SCD5: variants seen among roughly 807,000 people sequenced by gnomAD.
SCD5 encodes the protein acyl-CoA-desaturase 4.
Under a neutral mutation model 30.4 loss-of-function variants are expected in SCD5, and 20 were observed. The observed-to-expected ratio is 0.66, with a 90% CI of 0.46 to 0.96. The LOEUF (loss-of-function observed/expected upper bound fraction) is 0.96. SCD5 is among the 40% of genes least tolerant of loss of function. The pLI, the probability that SCD5 is intolerant of heterozygous loss-of-function variation, is 0.00. For synonymous variants in SCD5, 173 were observed against 176.4 expected (o/e 0.98, Z 0.16); for missense variants, 381 against 443.3 (o/e 0.86, Z 1.26).
chr4:82,745,852 T>C (rs1275509158), intron 1 of SCD5, among the ~76,000 whole-genome samples: 2 of 152,212 alleles, frequency 1.3e-5, no homozygotes, highest in Non-Finnish European at 2.9e-5. Flanking sequence ...GTTAAGAGGC[T>C]AGACACTAAA....
chr4:82,739,428 C>G (rs1457547433), intron 1 of SCD5, among the ~76,000 whole-genome samples: 1 of 152,234 alleles, frequency 6.6e-6, no homozygotes, highest in Admixed American at 6.5e-5. Context: ...ATTTATGAAG[C>G]CTGGTAATGC....
chr4:82,779,872 AAC>A (rs1721831738), intron 1 of SCD5, among the ~76,000 whole-genome samples: 1 of 152,242 alleles, frequency 6.6e-6, no homozygotes, highest in Admixed American at 6.5e-5. Flanking sequence ...TCCATCATCA[AAC>A]ACAATATGAC....
chr4:82,738,123 G>A (rs1413743733), intron 1 of SCD5, among the ~76,000 whole-genome samples: 4 of 152,144 alleles, frequency 2.6e-5, no homozygotes, highest in Non-Finnish European at 5.9e-5. Context: ...ATTTCTACCT[G>A]AAAAAAAGTT....
intron 4 of SCD5, among the ~76,000 whole-genome samples, chr4:82,633,269 A>G (rs1170644006): frequency 1.3e-5 from 2 of 152,234 alleles, no homozygotes; most frequent in Non-Finnish European, 2.9e-5. Flanking sequence ...TTCACTTAGC[A>G]TAATGTCCTC....
At chr4:82,698,893 T>C (rs1334241681) in intron 2 of SCD5, among the ~76,000 whole-genome samples, 4 of 152,212 alleles carry the variant, frequency 2.6e-5, no homozygotes, top group Non-Finnish European at 5.9e-5. Context: ...TGTTTGTTCA[T>C]TTGCTCACAT....
intron 2 of SCD5, among the ~76,000 whole-genome samples, chr4:82,703,165 T>C (rs1179156158): frequency 1.3e-5 from 2 of 152,226 alleles, no homozygotes; most frequent in Admixed American, 6.5e-5. Context: ...AGGTGCTCAA[T>C]AAGTATTCGT....
intron 1 of SCD5, among the ~76,000 whole-genome samples, chr4:82,741,700 A>G (rs1368863930): frequency 1.3e-5 from 2 of 152,132 alleles, no homozygotes; most frequent in Admixed American, 6.5e-5. Flanking sequence ...CCTCCATTTT[A>G]ATTGAGGCAC....
chr4:82,637,263 A>G (rs1227369103), intron 3 of SCD5, among the ~76,000 whole-genome samples: 1 of 152,248 alleles, frequency 6.6e-6, no homozygotes, highest in Non-Finnish European at 1.5e-5. Flanking sequence ...AATTTTAGGT[A>G]CACAATTCTG....
Position 82,700,098 on chromosome 4 carries a change from T to A in SCD5, c.363+5185A>T, listed in dbSNP as rs377527488. Among the ~76,000 whole-genome samples, 12 of 152,068 alleles carry A rather than the reference T, an allele frequency of 7.9e-5. No homozygotes were observed. In the East Asian group the frequency reaches 2.4e-3, roughly 30 times the overall value. On this transcript the variant is annotated intron_variant, in intron 2 of 4. Coordinates refer to ENST00000319540, the MANE Select transcript of SCD5 (RefSeq NM_001037582.3). ...TGGGTTTGGTGGCGCGCACCTGTAATCCCAGCTACTCGGGTGGCTTAGGCA... is the reference window on the plus strand; with the variant it reads ...TGGGTTTGGTGGCGCGCACCTGTAAACCCAGCTACTCGGGTGGCTTAGGCA...
At chr4:82,692,834 T>C (rs1032398170) in intron 2 of SCD5, among the ~76,000 whole-genome samples, 1 of 152,124 alleles carries the variant, frequency 6.6e-6, no homozygotes, top group African/African-American at 2.4e-5. Context: ...CCTTCTCCAA[T>C]CTTATTCAAA....
At chr4:82,701,044 A>G (rs1447845565) in intron 2 of SCD5, among the ~76,000 whole-genome samples, 1 of 152,214 alleles carries the variant, frequency 6.6e-6, no homozygotes, top group Middle Eastern at 3.2e-3. Context: ...TAGTGATTAT[A>G]GCTTATGGAT....
chr4:82,634,890 C>T lies in SCD5; in HGVS notation c.802+1701G>A, dbSNP rs551703578. On this transcript the variant is annotated intron_variant, in intron 4 of 4. Coordinates refer to ENST00000319540, the MANE Select transcript of SCD5 (RefSeq NM_001037582.3). ...AGGAAGGGTTGGGGCACTGCCCCTCCTGTTTTCCAAGGCACTTTCTCCCTG... is the reference window on the plus strand; with the variant it reads ...AGGAAGGGTTGGGGCACTGCCCCTCTTGTTTTCCAAGGCACTTTCTCCCTG... Among the ~76,000 whole-genome samples, 3 of 152,364 alleles carry T rather than the reference C, an allele frequency of 2.0e-5. No individual in the cohort carries two copies. In the East Asian group the frequency reaches 5.8e-4, roughly 29 times the overall value.
intron 3 of SCD5, among the ~76,000 whole-genome samples, chr4:82,673,041 TTACAAAAAATA>T (rs562278338): frequency 9.2e-5 from 14 of 152,036 alleles, no homozygotes; most frequent in Non-Finnish European, 2.1e-4. Flanking sequence ...TAAAGAATAT[TTACAAAAAATA>T]TACAGCTAAT....
intron 1 of SCD5, among the ~76,000 whole-genome samples, chr4:82,714,761 T>C (rs111868234): frequency 9.9e-4 from 151 of 152,266 alleles, no homozygotes; most frequent in African/African-American, 3.5e-3. Context: ...TTGGAGCATT[T>C]TGGATTTCAG....
At chr4:82,696,412 A>C (rs1186987557) in intron 2 of SCD5, among the ~76,000 whole-genome samples, 1 of 152,190 alleles carries the variant, frequency 6.6e-6, no homozygotes, top group East Asian at 1.9e-4. Context: ...GATGAAAAAC[A>C]ATTCAATATC....
intron 1 of SCD5, among the ~76,000 whole-genome samples, chr4:82,721,216 C>T (rs947710216): frequency 1.3e-5 from 2 of 152,050 alleles, no homozygotes; most frequent in Admixed American, 6.6e-5. Context: ...AGGACTGCCC[C>T]GTTTCGCAGC....
intron 3 of SCD5, among the ~76,000 whole-genome samples, chr4:82,676,267 G>A (rs899115326): frequency 1.3e-5 from 2 of 152,140 alleles, no homozygotes; most frequent in Admixed American, 6.5e-5. Context: ...TGGACTGCCT[G>A]TCTCCAGAAT....
intron 2 of SCD5, among the ~76,000 whole-genome samples, chr4:82,685,577 G>T (rs992368795): frequency 2.0e-5 from 3 of 151,892 alleles, no homozygotes; most frequent in Non-Finnish European, 4.4e-5. Flanking sequence ...GCCGGGCATG[G>T]TGGTACGCGG....
chr4:82,715,989 A>C (rs1720217780), intron 1 of SCD5, among the ~76,000 whole-genome samples: 1 of 151,844 alleles, frequency 6.6e-6, no homozygotes, highest in Non-Finnish European at 1.5e-5. Flanking sequence ...ATATTTTACC[A>C]AAAAAAGTCA....
Sources: gnomAD v4.1 joint callset for allele counts (sites outside exome capture counted in the v4.1 genomes callset) on GRCh38, gnomAD v4.1.1 for gene constraint, MANE v1.5 for transcripts, NCBI Gene and HGNC (gene_info 2026-07-23, HGNC 2026-07-21) for gene names.